The following FHIT variants were observed in gnomAD, a reference collection of about 807,000 sequenced individuals.
The protein encoded by FHIT is fragile histidine triad diadenosine triphosphatase, also known as bis(5'-adenosyl)-triphosphatase.
A neutral mutation model predicts 17.9 loss-of-function variants in FHIT; 19 were observed. That is an observed-to-expected ratio of 1.06 (90% CI 0.74 to 1.56). FHIT has a LOEUF of 1.56. Ranked by LOEUF, FHIT falls within the 40% of genes most tolerant of loss-of-function variation. The pLI, the probability that FHIT is intolerant of heterozygous loss-of-function variation, is 0.00. For missense variants in FHIT, 248 were observed against 189.2 expected (o/e 1.31, Z -1.82); for synonymous variants, 81 against 69.7 (o/e 1.16, Z -0.81).
chr3:60,061,146 AG>A (rs1327836425), intron 5 of FHIT, among the ~76,000 whole-genome samples: 3 of 151,580 alleles, frequency 2.0e-5, no homozygotes, highest in Non-Finnish European at 2.9e-5. Flanking sequence ...GTGTTAGAGT[AG>A]GACGTTTTCT....
At position 60,091,228 on chromosome 3, in the gene FHIT, G is replaced by T. The variant is rs1018350962; in HGVS notation, c.104-77076C>A. On this transcript the variant is annotated intron_variant, in intron 5 of 9. Coordinates refer to ENST00000492590, the MANE Select transcript of FHIT (RefSeq NM_002012.4). ...TTATTCTTAAGAGCTCACTCTTTCT[G>T]AACTCTCCTAAAGCCCATCCAGGCA... Among the ~76,000 whole-genome samples, 19 of 152,218 alleles carry T rather than the reference G, an allele frequency of 1.2e-4. 2 individuals are homozygous for T. Among genetic ancestry groups the T allele is most frequent in the Admixed American group, 1.2e-3 (18 of 15,286 alleles).
At chr3:60,791,376 T>A (rs975276370) in intron 4 of FHIT, among the ~76,000 whole-genome samples, 3 of 152,208 alleles carry the variant, frequency 2.0e-5, no homozygotes, top group Non-Finnish European at 4.4e-5. Flanking sequence ...TTGCTAATAA[T>A]GTACACTAAT....
chr3:60,999,686 C>T (rs1245157608), intron 3 of FHIT, among the ~76,000 whole-genome samples: 1 of 151,782 alleles, frequency 6.6e-6, no homozygotes, highest in African/African-American at 2.4e-5. Context: ...GGATCAACAC[C>T]TGCAGAAGGA....
At chr3:61,242,282 A>C (rs539449239) in intron 1 of FHIT, among the ~76,000 whole-genome samples, 2 of 152,116 alleles carry the variant, frequency 1.3e-5, no homozygotes, top group African/African-American at 4.8e-5. Flanking sequence ...GATTCAGAAA[A>C]AACAACAACA....
chr3:60,131,158 TAGC>T (rs988161466), intron 5 of FHIT, among the ~76,000 whole-genome samples: 1 of 103,834 alleles, frequency 9.6e-6, no homozygotes, highest in African/African-American at 3.7e-5. Flanking sequence ...ATACAAAAAT[TAGC>T]AGTTGCTCAA....
chr3:60,644,487 G>C (rs1322847576), intron 4 of FHIT, among the ~76,000 whole-genome samples: 1 of 152,172 alleles, frequency 6.6e-6, no homozygotes, highest in Non-Finnish European at 1.5e-5. Context: ...TATGTACCTA[G>C]GAGTTTTGTA....
intron 4 of FHIT, among the ~76,000 whole-genome samples, chr3:60,820,874 T>A (rs1253963770): frequency 6.6e-6 from 1 of 151,210 alleles, no homozygotes; most frequent in Non-Finnish European, 1.5e-5. Flanking sequence ...AGGAGAGGAG[T>A]AAATATGAGT....
chr3:60,088,361 A>T (rs1703588602), intron 5 of FHIT, among the ~76,000 whole-genome samples: 1 of 152,198 alleles, frequency 6.6e-6, no homozygotes, highest in African/African-American at 2.4e-5. Flanking sequence ...TGGAAAGAGT[A>T]TTTAAATGTT....
intron 5 of FHIT, among the ~76,000 whole-genome samples, chr3:60,255,197 T>C (rs1381993432): frequency 6.6e-6 from 1 of 152,132 alleles, no homozygotes; most frequent in Admixed American, 6.6e-5. Flanking sequence ...TTAATAGATA[T>C]GGCATGTTTG....
At chr3:60,927,447 C>A (rs1362830797) in intron 3 of FHIT, among the ~76,000 whole-genome samples, 1 of 152,172 alleles carries the variant, frequency 6.6e-6, no homozygotes, top group African/African-American at 2.4e-5. Flanking sequence ...AGCCGCCAAT[C>A]ATCTGGGATG....
intron 4 of FHIT, among the ~76,000 whole-genome samples, chr3:60,647,435 G>C (rs1459975948): frequency 1.3e-5 from 2 of 152,146 alleles, no homozygotes; most frequent in Admixed American, 6.5e-5. Flanking sequence ...GAGATTTAGA[G>C]AGGTGAAGGG....
intron 4 of FHIT, among the ~76,000 whole-genome samples, chr3:60,803,250 C>T (rs1167206141): frequency 6.6e-6 from 1 of 152,104 alleles, no homozygotes; most frequent in Non-Finnish European, 1.5e-5. Flanking sequence ...GTGTGTGCAC[C>T]GCATGATCTG....
chr3:60,539,144 C>G (rs2107603598), intron 4 of FHIT, among the ~76,000 whole-genome samples: 1 of 152,272 alleles, frequency 6.6e-6, no homozygotes, highest in African/African-American at 2.4e-5. Context: ...TATGAACAGA[C>G]AGTTCTCAAA....
intron 5 of FHIT, among the ~76,000 whole-genome samples, chr3:60,297,279 G>C (rs895041496): frequency 6.6e-6 from 1 of 152,134 alleles, no homozygotes; most frequent in Non-Finnish European, 1.5e-5. Context: ...GTGAGAATAT[G>C]TCTCTCCATT....
intron 7 of FHIT, among the ~76,000 whole-genome samples, chr3:60,009,416 A>G (rs1261322677): frequency 6.6e-6 from 1 of 152,194 alleles, no homozygotes; most frequent in Non-Finnish European, 1.5e-5. Context: ...CAGGGTGATG[A>G]TAACAATAAC....
intron 3 of FHIT, among the ~76,000 whole-genome samples, chr3:60,911,973 G>C (rs1333740376): frequency 2.6e-5 from 4 of 151,892 alleles, no homozygotes; most frequent in African/African-American, 9.7e-5. Flanking sequence ...ATAATTATGT[G>C]AATGTTGCTA....
At chr3:61,203,179 CA>C (rs397876939) in intron 1 of FHIT, among the ~76,000 whole-genome samples, 176 of 86,330 alleles carry the variant, frequency 2.0e-3, no homozygotes, top group African/African-American at 7.9e-3. Context: ...GACTCCGTCT[CA>C]AAAAAAAAAA....
chr3:61,171,277 T>C (rs1225966030), intron 2 of FHIT, among the ~76,000 whole-genome samples: 2 of 152,204 alleles, frequency 1.3e-5, no homozygotes, highest in African/African-American at 4.8e-5. Flanking sequence ...TATCAAGTCC[T>C]TTGCCCACTT....
intron 7 of FHIT, among the ~76,000 whole-genome samples, chr3:60,011,109 C>T (rs17061766): frequency 2.0e-5 from 3 of 152,100 alleles, no homozygotes; most frequent in Non-Finnish European, 2.9e-5. Context: ...CTTATGTTTC[C>T]GGACTCCTTG....
Sources: gnomAD v4.1 joint callset for allele counts (sites outside exome capture counted in the v4.1 genomes callset) on GRCh38, gnomAD v4.1.1 for gene constraint, MANE v1.5 for transcripts, NCBI Gene and HGNC (gene_info 2026-07-23, HGNC 2026-07-21) for gene names.